Variants in CFAP47 observed in about 807,000 individuals in gnomAD.
The protein encoded by CFAP47 is cilia- and flagella-associated protein 47.
A neutral mutation model predicts 148.1 loss-of-function variants in CFAP47; 29 were observed. The observed-to-expected ratio is 0.20, with a 90% confidence interval of 0.15 to 0.27. The LOEUF is 0.27. CFAP47 is among the 10% of genes least tolerant of loss of function. The probability of loss-of-function intolerance (pLI) is 1.00; values close to 1 mark genes in which losing one functional copy is unlikely to be tolerated. For missense variants in CFAP47, 1,872 were observed against 1,697.5 expected (o/e 1.10, Z -1.81); for synonymous variants, 664 against 577.3 (o/e 1.15, Z -2.15).
chrX:35,949,640 AG>A (rs1266291692), intron 4 of CFAP47, among the ~76,000 whole-genome samples: 1 of 111,929 alleles, frequency 8.9e-6, no homozygotes, highest in Admixed American at 9.5e-5. Flanking sequence ...AGCTGGCTGC[AG>A]CTTATTAAAT....
intron 29 of CFAP47, among the ~76,000 whole-genome samples, chrX:36,081,101 TAGACTA>T (rs1665474801): frequency 9.0e-6 from 1 of 110,842 alleles, no homozygotes; most frequent in Admixed American, 9.6e-5. Flanking sequence ...GACTACTAGC[TAGACTA>T]AGAAAGAAAA....
At chrX:35,961,606 G>A (rs1218791293) in intron 8 of CFAP47, among the ~76,000 whole-genome samples, 1 of 111,083 alleles carries the variant, frequency 9.0e-6, no homozygotes, top group East Asian at 2.8e-4. Context: ...TGGTTTGTTG[G>A]TATTCAGTTG....
chrX:36,181,350 C>CT (rs1315688741), intron 40 of CFAP47, among the ~76,000 whole-genome samples: 2 of 110,841 alleles, frequency 1.8e-5, no homozygotes, highest in Non-Finnish European at 3.8e-5. Flanking sequence ...GTAAGGTTAT[C>CT]TTTTTTGTGG....
rs1940472839 is a variant in CFAP47, at chrX:36,236,764, G to A, written c.7237G>A (p.Ala2413Thr). ...AAAAGGGGTTGGGAAAAAACCTTCGGCCTTGGAACACATCACTGTGGAATG... is the reference window on the plus strand; with the variant it reads ...AAAAGGGGTTGGGAAAAAACCTTCGACCTTGGAACACATCACTGTGGAATG... Reference protein sequence around the residue: ...DIKGVGKKPSALEHITVECQV... With the variant: ...DIKGVGKKPSTLEHITVECQV... The change falls in exon 48 of 64, where the codon GCC (alanine) becomes ACC (threonine). Residue 2413 changes from alanine (A) to threonine (T), a missense_variant. By Grantham distance (58) the Ala-to-Thr change is moderately conservative. Transcript: ENST00000378653. 4 of 522,754 alleles carry A rather than the reference G, an allele frequency of 7.7e-6. No individual in the cohort carries two copies. Among genetic ancestry groups the A allele is most frequent in the Admixed American group, 2.7e-5 (1 of 37,309 alleles). The allele number at this position is 522,754 out of a possible 1,213,427, so 43.1% of individuals were successfully genotyped here.
At chrX:36,372,310 C>T (rs1185287660) in intron 62 of CFAP47, among the ~76,000 whole-genome samples, 1 of 111,219 alleles carries the variant, frequency 9.0e-6, no homozygotes, top group Non-Finnish European at 1.9e-5. Context: ...CTTAGGGCAA[C>T]ATTTTTTGAT....
intron 27 of CFAP47, 112 bp from the exon 28 acceptor site, chrX:36,071,713 C>G (rs1259483708): frequency 3.3e-6 from 2 of 601,450 alleles, no homozygotes; most frequent in Non-Finnish European, 5.0e-6. Context: ...TAGATGGATA[C>G]ATAGATAGAT....
At chrX:36,371,303 C>T (rs1054731523) in intron 62 of CFAP47, among the ~76,000 whole-genome samples, 1 of 110,233 alleles carries the variant, frequency 9.1e-6, no homozygotes, top group Admixed American at 9.8e-5. Flanking sequence ...CATCTCTTGG[C>T]CACTATCACT....
At chrX:35,942,028 CTGTGTGTGTGTG>C (rs59083788) in intron 3 of CFAP47, among the ~76,000 whole-genome samples, 1 of 103,826 alleles carries the variant, frequency 9.6e-6, no homozygotes, top group African/African-American at 3.5e-5. Context: ...GTGTGTGTGT[CTGTGTGTGTGTG>C]TGTGTGTGTG....
rs782715011 is a variant in CFAP47 at position 36,298,974 on chromosome X, T to C, written c.7687-3T>C. The C allele has an allele frequency of 5.2e-4, 589 of 1,130,118 alleles. No homozygotes were observed. Among genetic ancestry groups the C allele is most frequent in the Middle Eastern group, 1.5e-3 (6 of 4,051 alleles). 93.1% of individuals were successfully genotyped at this position (1,130,118 alleles called of 1,213,427 possible). A position where few individuals can be genotyped will look rare whatever the true frequency, so the allele number is the denominator to read the frequency against. ...TGATTACATATTTGTTGTATAATTCTAGGACAGCACTTGCATTGAAATACC... is the reference window on the plus strand; with the variant it reads ...TGATTACATATTTGTTGTATAATTCCAGGACAGCACTTGCATTGAAATACC... On this transcript the variant is annotated splice_polypyrimidine_tract_variant and splice_region_variant and intron_variant, in intron 51 of 63. Coordinates refer to ENST00000378653, the MANE Select transcript of CFAP47 (RefSeq NM_001304548.2).
intron 27 of CFAP47, among the ~76,000 whole-genome samples, chrX:36,069,365 T>C (rs1027766176): frequency 6.3e-5 from 7 of 111,273 alleles, no homozygotes; most frequent in African/African-American, 2.3e-4. Context: ...TGCTTTATAA[T>C]TTACTTCCAG....
At chrX:36,104,021 A>G (rs1012191577) in intron 32 of CFAP47, among the ~76,000 whole-genome samples, 2 of 112,262 alleles carry the variant, frequency 1.8e-5, no homozygotes, top group Non-Finnish European at 3.8e-5. Flanking sequence ...TAGGGTAACA[A>G]TAGGTCAAAT....
chrX:35,951,409 T>C, intron 5 of CFAP47, 50 bp downstream of exon 5: 1 of 796,862 alleles, frequency 1.3e-6, no homozygotes. Context: ...TTAAAAGAGA[T>C]TGTGTTAAAT....
intron 41 of CFAP47, among the ~76,000 whole-genome samples, chrX:36,188,967 C>A (rs782033934): frequency 9.0e-6 from 1 of 111,483 alleles, no homozygotes; most frequent in Non-Finnish European, 1.9e-5. Flanking sequence ...TATGTCTCTT[C>A]TGGCTTATTC....
chrX:35,930,826 A>AT (rs1189576085), intron 2 of CFAP47, among the ~76,000 whole-genome samples: 2 of 111,472 alleles, frequency 1.8e-5, no homozygotes, highest in Non-Finnish European at 3.8e-5. Context: ...ACATGTGTGT[A>AT]TTTTGTCCTT....
chrX:36,078,879 C>T (rs1304569598), intron 29 of CFAP47, among the ~76,000 whole-genome samples: 3 of 111,028 alleles, frequency 2.7e-5, no homozygotes, highest in Admixed American at 9.6e-5. Flanking sequence ...CTGGTGGTGA[C>T]AAAATCTCTC....
At chrX:35,960,692 G>A (rs1936318283) in intron 8 of CFAP47, among the ~76,000 whole-genome samples, 1 of 111,391 alleles carries the variant, frequency 9.0e-6, no homozygotes, top group Non-Finnish European at 1.9e-5. Context: ...GCATATAAGT[G>A]CATTTGTTTT....
intron 39 of CFAP47, among the ~76,000 whole-genome samples, chrX:36,165,362 G>C (rs1269174390): frequency 9.1e-6 from 1 of 110,443 alleles, no homozygotes; most frequent in Non-Finnish European, 1.9e-5. Flanking sequence ...ATTTTTAAAG[G>C]CTTTTTCAAA....
chrX:36,129,970 C>T (rs1020187897), intron 33 of CFAP47, among the ~76,000 whole-genome samples: 2 of 111,409 alleles, frequency 1.8e-5, no homozygotes, highest in Non-Finnish European at 3.8e-5. Flanking sequence ...AAATGACCCA[C>T]AAGCACATTA....
chrX:36,127,259 T>C (rs1477431532), intron 33 of CFAP47, among the ~76,000 whole-genome samples: 2 of 111,937 alleles, frequency 1.8e-5, no homozygotes, highest in Non-Finnish European at 3.8e-5. Flanking sequence ...CCAACTTCAG[T>C]TAATTTTTGT....
Sources: allele counts gnomAD v4.1 joint callset (sites outside exome capture counted in the v4.1 genomes callset), GRCh38; gene constraint gnomAD v4.1.1; transcripts MANE v1.5; gene names NCBI Gene and HGNC (gene_info 2026-07-23, HGNC 2026-07-21).